IKZF2: variants seen among roughly 807,000 people sequenced by gnomAD.
IKZF2 encodes IKAROS family zinc finger 2, also known as zinc finger protein Helios.
IKZF2 carries 15 observed loss-of-function variants against 49.2 expected under a neutral mutation model. The ratio of observed to expected loss-of-function variants is 0.30; its 90% CI spans 0.20 to 0.47. The LOEUF (loss-of-function observed/expected upper bound fraction) is 0.47. IKZF2 is among the 20% of genes least tolerant of loss of function. The probability of loss-of-function intolerance (pLI) is 1.00; values close to 1 mark genes in which losing one functional copy is unlikely to be tolerated. For missense variants in IKZF2, 567 were observed against 664.6 expected, an observed-to-expected ratio of 0.85 and a Z score of 1.61; for synonymous variants, 227 against 221.4, an observed-to-expected ratio of 1.03 and a Z score of -0.23.
chr2:213,060,267 CTTA>C (rs1017231144), intron 4 of IKZF2, among the ~76,000 whole-genome samples: 1 of 151,204 alleles, frequency 6.6e-6, no homozygotes, highest in African/African-American at 2.4e-5. Context: ...AATATTTTAA[CTTA>C]TTAATGATTA....
chr2:213,121,364 T>C (rs1025398842), intron 4 of IKZF2, among the ~76,000 whole-genome samples: 1 of 152,234 alleles, frequency 6.6e-6, no homozygotes, highest in Non-Finnish European at 1.5e-5. Flanking sequence ...AATGTTGAGC[T>C]CTTCTTTCCT....
At chr2:213,045,096 C>T (rs1238402333) in intron 6 of IKZF2, among the ~76,000 whole-genome samples, 3 of 152,188 alleles carry the variant, frequency 2.0e-5, no homozygotes, top group Non-Finnish European at 4.4e-5. Context: ...CGTAGCCCTA[C>T]AACTATCACC....
chr2:213,078,870 T>C (rs924467556), intron 4 of IKZF2, among the ~76,000 whole-genome samples: 2 of 152,214 alleles, frequency 1.3e-5, no homozygotes, highest in African/African-American at 4.8e-5. Context: ...ACCAAACTGC[T>C]CTCTGAGTTT....
intron 6 of IKZF2, among the ~76,000 whole-genome samples, chr2:213,026,777 A>G (rs1697863584): frequency 6.6e-6 from 1 of 151,998 alleles, no homozygotes; most frequent in Admixed American, 6.6e-5. Flanking sequence ...TAACCTGCTT[A>G]TTTTACTGAA....
At chr2:213,023,275 T>C (rs1248444366) in intron 6 of IKZF2, among the ~76,000 whole-genome samples, 1 of 152,188 alleles carries the variant, frequency 6.6e-6, no homozygotes, top group African/African-American at 2.4e-5. Flanking sequence ...ACTGAAATAC[T>C]ATAACAAGGC....
In IKZF2 at chr2:213,136,333, T is replaced by C. The variant is rs1211718927; in HGVS notation, c.139+11375A>G. Among the ~76,000 whole-genome samples, 4 of 118,670 alleles carry C rather than the reference T, an allele frequency of 3.4e-5. No homozygotes were observed. In the Admixed American group the frequency reaches 4.5e-4, roughly 13 times the overall value. 77.9% of individuals were successfully genotyped at this position (118,670 alleles called of 152,430 possible). On this transcript the variant is annotated intron_variant, in intron 4 of 8. Transcript: ENST00000434687. Reference sequence around the variant, plus strand: ...TTGCAGTGAGCCAAGATCGCGCCACTGCACTCCAGCCTGGGTGACAGAGCG... The same window carrying C: ...TTGCAGTGAGCCAAGATCGCGCCACCGCACTCCAGCCTGGGTGACAGAGCG...
chr2:213,053,281 T>C (rs1700845916), intron 5 of IKZF2, among the ~76,000 whole-genome samples: 2 of 152,104 alleles, frequency 1.3e-5, no homozygotes, highest in South Asian at 4.1e-4. Flanking sequence ...TCTCAATCTG[T>C]TGTTTTGTTT....
At chr2:213,055,652 G>C (rs1052076452) in intron 5 of IKZF2, among the ~76,000 whole-genome samples, 5 of 151,970 alleles carry the variant, frequency 3.3e-5, no homozygotes, top group South Asian at 2.1e-4. Flanking sequence ...GCAATAGTGT[G>C]TCTGAACAAA....
chr2:213,073,497 A>G (rs1702926247), intron 4 of IKZF2, among the ~76,000 whole-genome samples: 1 of 152,234 alleles, frequency 6.6e-6, no homozygotes. Flanking sequence ...ATAAATATAA[A>G]AAGGTTTTAG....
At chr2:213,079,344 A>C (rs576644173) in intron 4 of IKZF2, among the ~76,000 whole-genome samples, 1 of 151,840 alleles carries the variant, frequency 6.6e-6, no homozygotes, top group East Asian at 1.9e-4. Context: ...GTGCCACTGT[A>C]CTGAAGCCTA....
chr2:213,088,223 T>C (rs932448582), intron 4 of IKZF2, among the ~76,000 whole-genome samples: 7 of 152,184 alleles, frequency 4.6e-5, no homozygotes, highest in African/African-American at 7.2e-5. Context: ...TGGTATCTCA[T>C]TGTGGTTTTG....
At chr2:213,014,090 T>C in intron 7 of IKZF2, 156 bp from the exon 8 acceptor site, 2 of 596,730 alleles carry the variant, frequency 3.4e-6, no homozygotes, top group Non-Finnish European at 5.8e-6. Flanking sequence ...GTATACTCTT[T>C]AAATTTGCAC....
intron 6 of IKZF2, among the ~76,000 whole-genome samples, chr2:213,041,008 C>A (rs1275775569): frequency 6.6e-6 from 1 of 151,868 alleles, no homozygotes; most frequent in Admixed American, 6.6e-5. Context: ...ATTCCAGCTA[C>A]TTGGGAGGCT....
chr2:213,117,904 C>G (rs1421998315), intron 4 of IKZF2, among the ~76,000 whole-genome samples: 1 of 152,112 alleles, frequency 6.6e-6, no homozygotes, highest in African/African-American at 2.4e-5. Context: ...AAAGGACATT[C>G]TTTAACCCCT....
intron 4 of IKZF2, chr2:213,097,977 G>T: frequency 6.6e-6 from 2 of 304,284 alleles, no homozygotes; most frequent in Non-Finnish European, 1.3e-5. Context: ...ATTAGAGAAA[G>T]CTTTTTTTAC....
At chr2:213,070,383 C>T (rs1203410336) in intron 4 of IKZF2, among the ~76,000 whole-genome samples, 1 of 151,962 alleles carries the variant, frequency 6.6e-6, no homozygotes, top group Non-Finnish European at 1.5e-5. Context: ...AGATAGAAAA[C>T]TTAGCTTCTT....
chr2:213,018,212 A>C (rs1354413718), intron 7 of IKZF2, among the ~76,000 whole-genome samples: 1 of 152,182 alleles, frequency 6.6e-6, no homozygotes, highest in East Asian at 1.9e-4. Context: ...ATAATATTGA[A>C]CAAGATAATC....
At chr2:213,068,948 A>ACACAC (rs1702416963) in intron 4 of IKZF2, among the ~76,000 whole-genome samples, 3 of 102,554 alleles carry the variant, frequency 2.9e-5, no homozygotes, top group Admixed American at 1.1e-4. Context: ...CACACACACA[A>ACACAC]CATACTCAAA....
chr2:212,999,840 T>C lies in IKZF2; in HGVS notation c.*7520A>G, dbSNP rs543208930. The C allele has an allele frequency of 6.6e-6, 1 of 152,484 alleles. No homozygotes were observed. The highest frequency in any genetic ancestry group is 2.1e-4 in the South Asian group (1 of 4,828). 9.4% of individuals were successfully genotyped at this position (152,484 alleles called of 1,614,324 possible). ...GATTCCCTAAATTTATTCCAGTAGC[T>C]GTGCACTCAGACAGTACAAACCTTT... is the stretch of plus-strand genomic sequence containing the variant. On this transcript the variant is annotated 3_prime_UTR_variant, in exon 9 of 9. Transcript: ENST00000434687.
Sources: allele counts gnomAD v4.1 joint callset (sites outside exome capture counted in the v4.1 genomes callset), GRCh38; gene constraint gnomAD v4.1.1; transcripts MANE v1.5; gene names NCBI Gene and HGNC (gene_info 2026-07-23, HGNC 2026-07-21).